Variants in ALX4 observed in about 807,000 individuals in gnomAD.
ALX4 encodes the protein ALX homeobox 4.
ALX4 carries 22 observed loss-of-function variants against 40.6 expected under a neutral mutation model. That is an observed-to-expected ratio of 0.54 (90% CI 0.39 to 0.77). ALX4 has a LOEUF of 0.77. ALX4 is among the 30% of genes least tolerant of loss of function. The pLI, the probability that ALX4 is intolerant of heterozygous loss-of-function variation, is 0.00. For synonymous variants in ALX4, 266 were observed against 240.5 expected, an observed-to-expected ratio of 1.11 and a Z score of -0.98; for missense variants, 556 against 564.8, an observed-to-expected ratio of 0.98 and a Z score of 0.16.
intron 1 of ALX4, among the ~76,000 whole-genome samples, chr11:44,282,784 G>A (rs1384802747): frequency 2.0e-5 from 3 of 151,296 alleles, no homozygotes; most frequent in African/African-American, 7.4e-5. Context: ...CAAAACTACG[G>A]GGACTCTAGG....
In ALX4 at chr11:44,260,760, A is replaced by G. The variant is rs1030516530; in HGVS notation, c.*4094T>C. 1.3e-5 allele frequency: 2 copies of G among 151,738 alleles called. No individual in the cohort carries two copies. Among genetic ancestry groups the G allele is most frequent in the Admixed American group, 6.6e-5 (1 of 15,208 alleles). The allele number at this position is 151,738 out of a possible 1,614,324, so 9.4% of individuals were successfully genotyped here. ...TCTGGATTTTTACTGTATTTTTAAT[A>G]TATATTTTTAATATTCCACCCCAGG... On this transcript the variant is annotated 3_prime_UTR_variant, in exon 4 of 4. Coordinates refer to ENST00000652299, the MANE Select transcript of ALX4 (RefSeq NM_021926.4).
rs1254068348 is a variant in ALX4 at position 44,263,861 on chromosome 11, A to C, written c.*993T>G. The C allele has an allele frequency of 1.3e-5, 2 of 152,316 alleles. No individual in the cohort carries two copies. Among genetic ancestry groups the C allele is most frequent in the African/African-American group, 4.8e-5 (2 of 41,446 alleles). 9.4% of individuals were successfully genotyped at this position (152,316 alleles called of 1,614,324 possible). The stretch of plus-strand genomic sequence containing the variant: ...TGCTGAGCAGCCCCAGGGAGGGGCC[A>C]GGGTAGGGCAGGGAAGAGACGAGCC... On this transcript the variant is annotated 3_prime_UTR_variant, in exon 4 of 4. Transcript: ENST00000652299.
rs1041001928 is a variant in ALX4 at position 44,265,122 on chromosome 11, A to G, written c.968T>C (p.Val323Ala). The G allele has an allele frequency of 1.2e-6, 2 of 1,611,280 alleles. No homozygotes were observed. The highest frequency in any genetic ancestry group is 1.7e-6 in the Non-Finnish European group (2 of 1,178,896). The change falls in exon 4 of 4, where the codon GTC (valine) becomes GCC (alanine). Residue 323 changes from valine (V) to alanine (A), a missense_variant. Transcript: ENST00000652299. ...GAASPVPACV[V>A]PCDPVPACMS... is the part of the protein sequence containing the mutation. ...GCAGGCAGGCACCGGGTCGCAGGGGACCACGCAGGCTGGCACTGGTGAGGC... is the reference window on the plus strand; with the variant it reads ...GCAGGCAGGCACCGGGTCGCAGGGGGCCACGCAGGCTGGCACTGGTGAGGC...
At chr11:44,268,528 C>A (rs562424237) in intron 2 of ALX4, among the ~76,000 whole-genome samples, 2 of 152,046 alleles carry the variant, frequency 1.3e-5, no homozygotes, top group Non-Finnish European at 2.9e-5. Context: ...GGGAGCCCAA[C>A]GGGGGAGGGG....
At chr11:44,282,689 T>C (rs2119828621) in intron 1 of ALX4, among the ~76,000 whole-genome samples, 1 of 152,254 alleles carries the variant, frequency 6.6e-6, no homozygotes, top group Middle Eastern at 3.4e-3. Context: ...ATCTGAAAGG[T>C]GGCCTTAGGG....
chr11:44,267,476 G>C lies in ALX4; in HGVS notation c.906+18C>G. The C allele has an allele frequency of 6.2e-7, 1 of 1,613,378 alleles. No individual in the cohort carries two copies. Among genetic ancestry groups the C allele is most frequent in the Middle Eastern group, 1.7e-4 (1 of 6,010 alleles). On this transcript the variant is annotated intron_variant, in intron 3 of 3. Coordinates refer to ENST00000652299, the MANE Select transcript of ALX4 (RefSeq NM_021926.4). ...CAGGGGCTGGGGATCGGTGGCGGCA[G>C]CTCAGGGCGGGACTTACCTGGGCGT...
chr11:44,298,502 G>A (rs140886493), intron 1 of ALX4, among the ~76,000 whole-genome samples: 4 of 152,314 alleles, frequency 2.6e-5, no homozygotes, highest in African/African-American at 9.6e-5. Flanking sequence ...AGCACCCTGG[G>A]CAGGTGGCAG....
intron 2 of ALX4, among the ~76,000 whole-genome samples, chr11:44,273,776 C>A (rs1398779346): frequency 6.6e-6 from 1 of 151,980 alleles, no homozygotes; most frequent in African/African-American, 2.4e-5. Context: ...CAAAGCAAGA[C>A]CCCATCTCTA....
intron 2 of ALX4, among the ~76,000 whole-genome samples, chr11:44,270,382 C>A (rs1956238868): frequency 6.6e-6 from 1 of 151,786 alleles, no homozygotes; most frequent in Non-Finnish European, 1.5e-5. Context: ...GGCTGCCCAC[C>A]TCCTCCCTCC....
At chr11:44,267,690 G>A (rs1956221625) in intron 2 of ALX4, 68 bp from the exon 3 acceptor site, 3 of 1,607,522 alleles carry the variant, frequency 1.9e-6, no homozygotes, top group African/African-American at 1.3e-5. Context: ...CTTTCAGGCA[G>A]TGCAAACTGT....
intron 1 of ALX4, 36 bp downstream of exon 1, chr11:44,309,561 G>T: frequency 1.3e-6 from 2 of 1,549,712 alleles, no homozygotes; most frequent in Non-Finnish European, 1.7e-6. Context: ...AGCACCCCGT[G>T]GTCCCCAGCA....
At position 44,266,265 on chromosome 11, in the gene ALX4, G is replaced by A. The variant is rs187724719; in HGVS notation, c.907-1082C>T. On this transcript the variant is annotated intron_variant, in intron 3 of 3. Transcript: ENST00000652299. ...GAGGGGTGAACAGGGCCCTGTGTTG[G>A]GTTCTCCCTCCAGCTGTGCGCTCAG... Among the ~76,000 whole-genome samples the A allele has an allele frequency of 3.1e-3, 473 of 152,274 alleles. 4 individuals carry two copies. Among genetic ancestry groups the A allele is most frequent in the African/African-American group, 0.011 (460 of 41,568 alleles).
intron 1 of ALX4, among the ~76,000 whole-genome samples, chr11:44,303,729 G>A (rs1956449212): frequency 6.6e-6 from 1 of 152,218 alleles, no homozygotes; most frequent in African/African-American, 2.4e-5. Context: ...TGGGGGCCGG[G>A]GCCAGGGCCG....
chr11:44,264,630 G>T lies in ALX4; in HGVS notation c.*224C>A. On this transcript the variant is annotated 3_prime_UTR_variant, in exon 4 of 4. Coordinates refer to ENST00000652299, the MANE Select transcript of ALX4 (RefSeq NM_021926.4). ...CTTTCTCCACTGCCTGTGGCCGGGA[G>T]CAGGGGTCAGGGCCTCAGTGCCAGG... The T allele has an allele frequency of 1.7e-6, 1 of 596,664 alleles. No individual in the cohort carries two copies. The highest frequency in any genetic ancestry group is 3.0e-6 in the Non-Finnish European group (1 of 337,798). 37.0% of individuals were successfully genotyped at this position (596,664 alleles called of 1,614,324 possible). A position where few individuals can be genotyped will look rare whatever the true frequency, so the allele number is the denominator to read the frequency against.
Position 44,260,503 on chromosome 11 carries a change from G to C in ALX4, c.*4351C>G, listed in dbSNP as rs1825629182. The C allele has an allele frequency of 6.6e-6, 1 of 152,190 alleles. No homozygotes were observed. Among genetic ancestry groups the C allele is most frequent in the Non-Finnish European group, 1.5e-5 (1 of 68,036 alleles). 9.4% of individuals were successfully genotyped at this position (152,190 alleles called of 1,614,324 possible). ...CAACCAAACAGTTTGGGCTGGGCCA[G>C]CAAAGGGTGTTCTGGGAGTGCCCGG... On this transcript the variant is annotated 3_prime_UTR_variant, in exon 4 of 4. Coordinates refer to ENST00000652299, the MANE Select transcript of ALX4 (RefSeq NM_021926.4).
chr11:44,271,914 CA>C (rs1259978462), intron 2 of ALX4, among the ~76,000 whole-genome samples: 14 of 152,342 alleles, frequency 9.2e-5, no homozygotes, highest in Admixed American at 9.1e-4. Context: ...AATGTACACA[CA>C]TACTGCACAG....
intron 2 of ALX4, among the ~76,000 whole-genome samples, chr11:44,271,052 G>A (rs1478707450): frequency 2.6e-5 from 4 of 152,096 alleles, no homozygotes; most frequent in Admixed American, 6.5e-5. Context: ...CCCCGTCCCT[G>A]TCCCCACCAC....
Position 44,264,829 on chromosome 11 carries a change from G to A in ALX4, c.*25C>T, listed in dbSNP as rs780898515. Reference sequence around the variant, plus strand: ...TGGGCGTGGCCCATGGTGTCCCGAGGTGGGGACGGGGCAGGGGTGCCCTGT... The same window carrying A: ...TGGGCGTGGCCCATGGTGTCCCGAGATGGGGACGGGGCAGGGGTGCCCTGT... On this transcript the variant is annotated 3_prime_UTR_variant, in exon 4 of 4. Transcript: ENST00000652299. 2.5e-5 allele frequency: 41 copies of A among 1,609,956 alleles called. No homozygotes were observed. The South Asian group carries it at 4.4e-4, about 17-fold the overall frequency.
intron 1 of ALX4, among the ~76,000 whole-genome samples, chr11:44,285,955 G>C (rs1021163377): frequency 6.6e-6 from 1 of 152,172 alleles, no homozygotes; most frequent in Non-Finnish European, 1.5e-5. Context: ...CACACCCCTG[G>C]AATTAATGCA....
Sources: allele counts gnomAD v4.1 joint callset (sites outside exome capture counted in the v4.1 genomes callset), GRCh38; gene constraint gnomAD v4.1.1; transcripts MANE v1.5; gene names NCBI Gene and HGNC (gene_info 2026-07-23, HGNC 2026-07-21).